Variants in THSD4 observed in about 807,000 individuals in gnomAD.
THSD4 encodes thrombospondin type-1 domain-containing protein 4.
THSD4 carries 69 observed loss-of-function variants against 119.0 expected under a neutral mutation model. The observed-to-expected ratio is 0.58, with a 90% confidence interval of 0.48 to 0.71. The LOEUF is 0.71. Among genes scored for constraint, THSD4 ranks in the 30% least tolerant of loss-of-function variants. The probability of loss-of-function intolerance (pLI) is 0.00; values close to 1 mark genes in which losing one functional copy is unlikely to be tolerated. For synonymous variants in THSD4, 524 were observed against 540.4 expected (o/e 0.97, Z 0.42); for missense variants, 1,393 against 1,391.1 (o/e 1.00, Z -0.02).
Position 71,180,161 on chromosome 15 carries a change from A to AT in THSD4, c.99+25229_99+25230insT, listed in dbSNP as rs111805956. On this transcript the variant is annotated intron_variant, in intron 3 of 17. Coordinates refer to ENST00000261862, the MANE Select transcript of THSD4 (RefSeq NM_024817.3). ...GTATAATAAAAAAAAAACATTAAAA[A>AT]AAAAAAAAATAAAAAAAAAAAAAGA... is the stretch of plus-strand genomic sequence containing the variant. 6.5e-4 allele frequency among the ~76,000 whole-genome samples: 17 copies of AT among 26,226 alleles called. No individual in the cohort carries two copies. In the South Asian group the frequency reaches 0.019, roughly 30 times the overall value. 17.2% of individuals were successfully genotyped at this position (26,226 alleles called of 152,430 possible).
At chr15:71,189,857 G>A (rs2043652844) in intron 3 of THSD4, among the ~76,000 whole-genome samples, 2 of 152,152 alleles carry the variant, frequency 1.3e-5, no homozygotes, top group Admixed American at 1.3e-4. Flanking sequence ...TCTGATGCAG[G>A]AGGCCTCTGG....
chr15:71,714,812 G>A (rs1464034746), intron 8 of THSD4, among the ~76,000 whole-genome samples: 1 of 152,108 alleles, frequency 6.6e-6, no homozygotes, highest in East Asian at 1.9e-4. Flanking sequence ...TCCAGCCTGG[G>A]CAACAAAACC....
chr15:71,554,095 G>GTTAT (rs2048977905), intron 7 of THSD4, among the ~76,000 whole-genome samples: 1 of 137,570 alleles, frequency 7.3e-6, no homozygotes, highest in Non-Finnish European at 1.5e-5. Flanking sequence ...GTTTGGTTTG[G>GTTAT]TTTTTTTTTT....
intron 7 of THSD4, among the ~76,000 whole-genome samples, chr15:71,561,894 AC>A (rs2049124472): frequency 3.0e-5 from 3 of 100,600 alleles, no homozygotes; most frequent in Non-Finnish European, 4.0e-5. Context: ...ACACACACAC[AC>A]ACACACACAC....
chr15:71,675,241 T>C (rs942106257), intron 8 of THSD4, among the ~76,000 whole-genome samples: 2 of 152,208 alleles, frequency 1.3e-5, no homozygotes, highest in African/African-American at 4.8e-5. Flanking sequence ...TCTTGCTTTC[T>C]TAATACATGG....
intron 8 of THSD4, among the ~76,000 whole-genome samples, chr15:71,722,102 T>A (rs547284637): frequency 2.6e-5 from 4 of 152,214 alleles, no homozygotes; most frequent in Non-Finnish European, 4.4e-5. Context: ...ACACAGCGTC[T>A]AGCAAAAGCC....
At chr15:71,306,539 A>G (rs2045032894) in intron 6 of THSD4, among the ~76,000 whole-genome samples, 1 of 152,140 alleles carries the variant, frequency 6.6e-6, no homozygotes, top group African/African-American at 2.4e-5. Context: ...GCACCAATGA[A>G]AAAAGGGTTT....
In THSD4 at chr15:71,519,622, A is replaced by G. The variant is rs371666658; in HGVS notation, c.1152+107799A>G. Among the ~76,000 whole-genome samples, 26 of 152,320 alleles carry G rather than the reference A, an allele frequency of 1.7e-4. 1 individual carries two copies. In the East Asian group the frequency reaches 3.9e-3, roughly 23 times the overall value. On this transcript the variant is annotated intron_variant, in intron 7 of 17. Coordinates refer to ENST00000261862, the MANE Select transcript of THSD4 (RefSeq NM_024817.3). ...AGTGATCCAACCGCCTTGGCCTCCC[A>G]AAGTGCTGGGATGACAGGCATGAAC...
chr15:71,735,344 G>A lies in THSD4; in HGVS notation c.1631-2388G>A, dbSNP rs73430302. Reference sequence around the variant, plus strand: ...CGCTGCAGGGGTGGCTTCCTCCTGGGACACTGGACATTGTCTGGTACACCT... The same window carrying A: ...CGCTGCAGGGGTGGCTTCCTCCTGGAACACTGGACATTGTCTGGTACACCT... On this transcript the variant is annotated intron_variant, in intron 10 of 17. Transcript: ENST00000261862. Among the ~76,000 whole-genome samples the A allele has an allele frequency of 7.3e-3, 1,110 of 152,198 alleles. 17 individuals are homozygous for A. The highest frequency in any genetic ancestry group is 0.025 in the African/African-American group (1,039 of 41,536).
At chr15:71,535,587 T>G (rs952892816) in intron 7 of THSD4, among the ~76,000 whole-genome samples, 1 of 152,208 alleles carries the variant, frequency 6.6e-6, no homozygotes, top group African/African-American at 2.4e-5. Context: ...TGACCACTAG[T>G]AGTATGTAAG....
intron 6 of THSD4, among the ~76,000 whole-genome samples, chr15:71,346,535 G>A (rs868716720): frequency 6.6e-6 from 1 of 152,102 alleles, no homozygotes; most frequent in Non-Finnish European, 1.5e-5. Context: ...ATCACTCTTT[G>A]AGCACTTCTT....
intron 6 of THSD4, among the ~76,000 whole-genome samples, chr15:71,391,976 A>G (rs974165072): frequency 8.5e-5 from 13 of 152,152 alleles, no homozygotes; most frequent in African/African-American, 2.9e-4. Flanking sequence ...AATGCAGCCA[A>G]AATGCCGTGG....
chr15:71,117,954 G>A (rs1419706255), intron 1 of THSD4, among the ~76,000 whole-genome samples: 4 of 152,130 alleles, frequency 2.6e-5, no homozygotes, highest in Non-Finnish European at 5.9e-5. Flanking sequence ...GGGAGAAAGG[G>A]AAGTAAAGAA....
intron 6 of THSD4, among the ~76,000 whole-genome samples, chr15:71,385,993 G>GA (rs1296713714): frequency 6.6e-6 from 1 of 152,178 alleles, no homozygotes; most frequent in Non-Finnish European, 1.5e-5. Context: ...GAAAAATGAG[G>GA]AAAGTGATGC....
intron 1 of THSD4, among the ~76,000 whole-genome samples, chr15:71,127,703 T>C (rs1161776417): frequency 2.6e-5 from 4 of 152,226 alleles, no homozygotes; most frequent in Non-Finnish European, 2.9e-5. Flanking sequence ...GTGGGCTGTT[T>C]GTGTATCTTT....
chr15:71,718,244 G>A (rs2052647514), intron 8 of THSD4, among the ~76,000 whole-genome samples: 1 of 152,196 alleles, frequency 6.6e-6, no homozygotes, highest in East Asian at 1.9e-4. Flanking sequence ...AACTACTTTG[G>A]GATGAGAAAG....
chr15:71,360,199 T>C (rs1333757104), intron 6 of THSD4, among the ~76,000 whole-genome samples: 1 of 152,162 alleles, frequency 6.6e-6, no homozygotes, highest in Non-Finnish European at 1.5e-5. Flanking sequence ...TCGTGTTGTG[T>C]TGGCTTCCTC....
At chr15:71,272,736 C>T (rs1276582552) in intron 6 of THSD4, among the ~76,000 whole-genome samples, 9 of 151,900 alleles carry the variant, frequency 5.9e-5, no homozygotes, top group East Asian at 1.9e-4. Context: ...TGGTAGCGCG[C>T]GCCTGTAATC....
chr15:71,590,555 C>T (rs1174458635), intron 7 of THSD4, among the ~76,000 whole-genome samples: 5 of 24,808 alleles, frequency 2.0e-4, no homozygotes, highest in African/African-American at 4.2e-4. Flanking sequence ...CCTGTCAGAA[C>T]GGGTGGGTGG....
Sources: gnomAD v4.1 joint callset for allele counts (sites outside exome capture counted in the v4.1 genomes callset) on GRCh38, gnomAD v4.1.1 for gene constraint, MANE v1.5 for transcripts, NCBI Gene and HGNC (gene_info 2026-07-23, HGNC 2026-07-21) for gene names.